The following RALA variants were observed in gnomAD, a reference collection of about 807,000 sequenced individuals.
RALA encodes RAS like proto-oncogene A, also known as ras-related protein Ral-A.
In RALA, 5 loss-of-function variants were observed where a neutral mutation model predicts 24.0. The observed-to-expected ratio is 0.21, with a 90% confidence interval of 0.11 to 0.44. The LOEUF is 0.44. Ranked by LOEUF, RALA falls within the 20% of genes least tolerant of loss-of-function variation. The probability of loss-of-function intolerance (pLI) is 0.99; values close to 1 mark genes in which losing one functional copy is unlikely to be tolerated. For synonymous variants in RALA, 77 were observed against 83.8 expected (o/e 0.92, Z 0.44); for missense variants, 95 against 241.2 (o/e 0.39, Z 4.01).
intron 1 of RALA, among the ~76,000 whole-genome samples, chr7:39,636,157 T>A (rs532773683): frequency 8.7e-4 from 133 of 152,358 alleles, no homozygotes; most frequent in Non-Finnish European, 1.6e-3. Flanking sequence ...TGAATAATGT[T>A]GACATGAACA....
rs70996832 is a variant in RALA, at chr7:39,681,302, C to CTTTTTTTTTTTTTTTTTT, written c.-37-5313_-37-5296dup. The stretch of plus-strand genomic sequence containing the variant: ...TCCTCAACCCAAACCCACCCTATTC[C>CTTTTTTTTTTTTTTTTTT]TTTTTTTTTTTTTTTTTTTTTTTTT... On this transcript the variant is annotated intron_variant, in intron 1 of 4. Transcript: ENST00000005257. Among the ~76,000 whole-genome samples, 14 of 50,050 alleles carry CTTTTTTTTTTTTTTTTTT rather than the reference C, an allele frequency of 2.8e-4. 2 individuals are homozygous for CTTTTTTTTTTTTTTTTTT. Among genetic ancestry groups the CTTTTTTTTTTTTTTTTTT allele is most frequent in the Non-Finnish European group, 4.6e-4 (13 of 28,090 alleles). 32.8% of individuals were successfully genotyped at this position (50,050 alleles called of 152,430 possible).
At chr7:39,686,883 A>G in intron 2 of RALA, 102 bp downstream of exon 2, 1 of 805,770 alleles carries the variant, frequency 1.2e-6, no homozygotes, top group Non-Finnish European at 1.9e-6. Flanking sequence ...AATCCTTGAA[A>G]TTACTAATAA....
At chr7:39,651,248 A>G (rs1004988858) in intron 1 of RALA, among the ~76,000 whole-genome samples, 2 of 152,234 alleles carry the variant, frequency 1.3e-5, no homozygotes, top group Non-Finnish European at 2.9e-5. Context: ...TAGGTGTATT[A>G]AATGCATTTT....
At chr7:39,667,988 A>G (rs1792313474) in intron 1 of RALA, among the ~76,000 whole-genome samples, 2 of 152,258 alleles carry the variant, frequency 1.3e-5, no homozygotes, top group South Asian at 2.1e-4. Flanking sequence ...GGAGAGCAAG[A>G]TAAAAGAAAG....
At chr7:39,696,534 C>A in intron 3 of RALA, 151 bp from the exon 4 acceptor site, 1 of 592,018 alleles carries the variant, frequency 1.7e-6, no homozygotes, top group Non-Finnish European at 2.8e-6. Context: ...ACCTTAGTTG[C>A]TAATACTGTA....
intron 1 of RALA, among the ~76,000 whole-genome samples, chr7:39,648,553 T>C (rs13224312): frequency 0.35 from 52,667 of 151,992 alleles, 9,488 homozygotes; most frequent in South Asian, 0.42. Flanking sequence ...ATGGATCTTA[T>C]GTTCTGCAGA....
intron 1 of RALA, among the ~76,000 whole-genome samples, chr7:39,642,262 G>T (rs1428352990): frequency 6.6e-6 from 1 of 152,210 alleles, no homozygotes; most frequent in East Asian, 1.9e-4. Context: ...CAGTAAATGT[G>T]TGGGTAAATG....
At chr7:39,624,727 A>T (rs1200942010) in intron 1 of RALA, among the ~76,000 whole-genome samples, 1 of 152,304 alleles carries the variant, frequency 6.6e-6, no homozygotes, top group East Asian at 1.9e-4. Flanking sequence ...CCTACGTGTC[A>T]AGCTGAAAAG....
chr7:39,664,667 A>G (rs1792253838), intron 1 of RALA, among the ~76,000 whole-genome samples: 1 of 152,206 alleles, frequency 6.6e-6, no homozygotes, highest in African/African-American at 2.4e-5. Flanking sequence ...CATCATTGTT[A>G]TAGAAAAAGC....
chr7:39,640,568 T>C (rs1460136707), intron 1 of RALA, among the ~76,000 whole-genome samples: 1 of 152,230 alleles, frequency 6.6e-6, no homozygotes, highest in Non-Finnish European at 1.5e-5. Flanking sequence ...ATGGCAGATA[T>C]TTTCTCTCAG....
chr7:39,674,708 T>C (rs1319826539), intron 1 of RALA, among the ~76,000 whole-genome samples: 3 of 152,170 alleles, frequency 2.0e-5, no homozygotes, highest in Non-Finnish European at 4.4e-5. Context: ...TTTGGAATAT[T>C]TGCAAATGCA....
chr7:39,636,937 G>A (rs1791693206), intron 1 of RALA, among the ~76,000 whole-genome samples: 1 of 152,128 alleles, frequency 6.6e-6, no homozygotes, highest in Non-Finnish European at 1.5e-5. Flanking sequence ...CCACCCCCAT[G>A]ATCCAGTCAC....
At chr7:39,689,942 T>C (rs1792786752) in intron 2 of RALA, among the ~76,000 whole-genome samples, 1 of 152,226 alleles carries the variant, frequency 6.6e-6, no homozygotes, top group South Asian at 2.1e-4. Context: ...TAAATCACTT[T>C]ATTGACTTAG....
intron 4 of RALA, among the ~76,000 whole-genome samples, chr7:39,705,830 C>T (rs1383203578): frequency 6.6e-6 from 1 of 151,872 alleles, no homozygotes; most frequent in African/African-American, 2.4e-5. Context: ...TCTGTCATCA[C>T]CTTATAGAAC....
chr7:39,683,379 G>A (rs531064128), intron 1 of RALA, among the ~76,000 whole-genome samples: 116 of 152,186 alleles, frequency 7.6e-4, no homozygotes, highest in Non-Finnish European at 1.3e-3. Flanking sequence ...AAACATTCAG[G>A]TCTCAGCTCA....
intron 1 of RALA, among the ~76,000 whole-genome samples, chr7:39,625,686 ACTTT>A (rs1340671657): frequency 1.3e-5 from 2 of 152,224 alleles, no homozygotes; most frequent in Admixed American, 6.5e-5. Flanking sequence ...TCATTACAAC[ACTTT>A]CTTCACAGGG....
intron 1 of RALA, among the ~76,000 whole-genome samples, chr7:39,680,231 T>C (rs939403193): frequency 1.3e-5 from 2 of 151,758 alleles, no homozygotes; most frequent in Admixed American, 6.6e-5. Flanking sequence ...TAGCCAGGTG[T>C]GGTGGCATGC....
chr7:39,668,187 T>G (rs1792316401), intron 1 of RALA, among the ~76,000 whole-genome samples: 2 of 152,192 alleles, frequency 1.3e-5, no homozygotes, highest in Admixed American at 6.5e-5. Context: ...AGTAGCAGGT[T>G]TTTTAAAAGA....
At chr7:39,646,093 A>C (rs1178810353) in intron 1 of RALA, among the ~76,000 whole-genome samples, 1 of 152,234 alleles carries the variant, frequency 6.6e-6, no homozygotes, top group African/African-American at 2.4e-5. Flanking sequence ...CCAACTGATA[A>C]CTTTGGAAAA....
Sources: allele counts gnomAD v4.1 joint callset (sites outside exome capture counted in the v4.1 genomes callset), GRCh38; gene constraint gnomAD v4.1.1; transcripts MANE v1.5; gene names NCBI Gene and HGNC (gene_info 2026-07-23, HGNC 2026-07-21).